The following NCOR2 variants were observed in gnomAD, a reference collection of about 807,000 sequenced individuals.
The protein encoded by NCOR2 is nuclear receptor corepressor 2.
Under a neutral mutation model 262.9 loss-of-function variants are expected in NCOR2, and 81 were observed. The observed-to-expected ratio is 0.31, with a 90% CI of 0.26 to 0.37. The LOEUF is 0.37. NCOR2 is among the 10% of genes least tolerant of loss of function. The pLI, the probability that NCOR2 is intolerant of heterozygous loss-of-function variation, is 1.00. For missense variants in NCOR2, 3,385 were observed against 3,621.4 expected (o/e 0.93, Z 1.68); for synonymous variants, 1,659 against 1,559.3 (o/e 1.06, Z -1.51).
chr12:124,393,426 T>C (rs1313223195), intron 16 of NCOR2, among the ~76,000 whole-genome samples: 4 of 152,148 alleles, frequency 2.6e-5, no homozygotes, highest in Non-Finnish European at 5.9e-5. Context: ...ATGGCCATCA[T>C]GTCCCCAGCC....
chr12:124,383,126 G>C (rs1403117355), intron 17 of NCOR2, among the ~76,000 whole-genome samples: 1 of 152,194 alleles, frequency 6.6e-6, no homozygotes, highest in African/African-American at 2.4e-5. Flanking sequence ...GGGCATACTA[G>C]GCCGCATTCC....
upstream of NCOR2, chr12:124,495,317 G>C: frequency 6.5e-7 from 1 of 1,529,306 alleles, no homozygotes; most frequent in Non-Finnish European, 8.8e-7. The surrounding 1 kb of genome is among the most constrained non-coding windows in gnomAD (Gnocchi z 4.4). Flanking sequence ...CACCACCAAG[G>C]ATTAAAAGCC....
chr12:124,536,900 C>T (rs919337182), upstream of NCOR2, among the ~76,000 whole-genome samples: 10 of 152,164 alleles, frequency 6.6e-5, no homozygotes, highest in East Asian at 1.9e-4. Context: ...AACAACCCAA[C>T]GGTCCATCGA....
intron 5 of NCOR2, among the ~76,000 whole-genome samples, chr12:124,462,693 A>G (rs764216756): frequency 3.3e-5 from 5 of 152,186 alleles, no homozygotes; most frequent in Non-Finnish European, 7.3e-5. Flanking sequence ...AAAATCTTCA[A>G]TCAGGGGATC....
At chr12:124,401,035 T>C (rs1333916119) in intron 14 of NCOR2, among the ~76,000 whole-genome samples, 3 of 152,032 alleles carry the variant, frequency 2.0e-5, no homozygotes, top group Non-Finnish European at 2.9e-5. Context: ...CAAGACTCCA[T>C]CTCTACAAAA....
At chr12:124,360,976 G>A (rs538911690) in intron 22 of NCOR2, among the ~76,000 whole-genome samples, 7 of 152,152 alleles carry the variant, frequency 4.6e-5, no homozygotes, top group East Asian at 1.9e-4. Flanking sequence ...CCTAATCCCC[G>A]CTCTGCCAGC....
chr12:124,554,166 G>A (rs552867515), intron 1 of NCOR2, among the ~76,000 whole-genome samples: 10 of 152,234 alleles, frequency 6.6e-5, no homozygotes, highest in Non-Finnish European at 1.2e-4. Flanking sequence ...ACGACAAAAC[G>A]CCTTCCTTGC....
rs2045415258 is a variant in NCOR2, at chr12:124,449,928, C to T, written c.763-61G>A. On this transcript the variant is annotated intron_variant, in intron 6 of 46. Transcript: ENST00000405201. Reference sequence around the variant, plus strand: ...GCTGGCCACTCGCCACTACAGAGCCCACCGGTAGGAGCCACAGCCCTGGCA... The same window carrying T: ...GCTGGCCACTCGCCACTACAGAGCCTACCGGTAGGAGCCACAGCCCTGGCA... 3 of 1,556,392 alleles carry T rather than the reference C, an allele frequency of 1.9e-6. No individual in the cohort carries two copies. The East Asian group carries it at 6.8e-5, about 35-fold the overall frequency.
intron 37 of NCOR2, 95 bp downstream of exon 39, chr12:124,339,911 C>CA: frequency 9.2e-7 from 1 of 1,090,172 alleles, no homozygotes; most frequent in Non-Finnish European, 1.3e-6. Context: ...ACCCACCTCC[C>CA]ATATACCTCC....
At chr12:124,344,597 C>T in exon 32 of NCOR2, 1 of 1,449,610 alleles carries the variant, frequency 6.9e-7, no homozygotes, top group Non-Finnish European at 9.1e-7. Flanking sequence ...CCCCACTCAC[C>T]CTCCTGCAGG....
Position 124,483,216 on chromosome 12 carries a change from C to T in NCOR2, c.411+380G>A, listed in dbSNP as rs1344909163. On this transcript the variant is annotated intron_variant, in intron 3 of 46. Transcript: ENST00000405201. This position sits in a 1 kb window ranked among gnomAD's most constrained non-coding sequence, Gnocchi z 6.3. ...TCAGAATGTGCTGAAAGCTGCCCACCGACCACAGGACGGTCCTGACCCCCA... is the reference window on the plus strand; with the variant it reads ...TCAGAATGTGCTGAAAGCTGCCCACTGACCACAGGACGGTCCTGACCCCCA... Among the ~76,000 whole-genome samples the T allele has an allele frequency of 2.0e-5, 3 of 152,068 alleles. No homozygotes were observed. The highest frequency in any genetic ancestry group is 1.5e-5 in the Non-Finnish European group (1 of 67,992).
chr12:124,344,943 C>A (rs75700832), exon 32 of NCOR2: 2 of 1,545,680 alleles, frequency 1.3e-6, no homozygotes, highest in South Asian at 2.4e-5. Context: ...CGTACTTGAG[C>A]GGGGTGCCCT....
intron 1 of NCOR2, among the ~76,000 whole-genome samples, chr12:124,522,397 C>T (rs1321302510): frequency 4.6e-5 from 7 of 152,170 alleles, no homozygotes; most frequent in South Asian, 4.1e-4. Flanking sequence ...GTCACCAGGG[C>T]CACACACCCT....
At chr12:124,365,177 C>T (rs2038930839) in intron 20 of NCOR2, among the ~76,000 whole-genome samples, 2 of 152,190 alleles carry the variant, frequency 1.3e-5, no homozygotes, top group South Asian at 4.1e-4. Context: ...GACCACATGG[C>T]AGGCGTGAGG....
At chr12:124,445,384 C>T (rs1051810151) in intron 7 of NCOR2, among the ~76,000 whole-genome samples, 2 of 152,212 alleles carry the variant, frequency 1.3e-5, no homozygotes, top group Non-Finnish European at 2.9e-5. Context: ...CAGGGGACAC[C>T]AGCAGCGCCC....
intron 37 of NCOR2, chr12:124,337,448 C>T (rs1323052275): frequency 3.0e-6 from 2 of 655,896 alleles, no homozygotes; most frequent in African/African-American, 1.8e-5. Context: ...GTGAATACAG[C>T]GGTCATAAAA....
At chr12:124,464,486 C>T (rs992747604) in intron 5 of NCOR2, among the ~76,000 whole-genome samples, 11 of 152,268 alleles carry the variant, frequency 7.2e-5, no homozygotes, top group African/African-American at 2.4e-4. Flanking sequence ...TCTGCAATCT[C>T]AGGGAGGTCT....
rs142703829 is a variant in NCOR2, at chr12:124,378,640, C to A, written c.2020-256G>T. Among the ~76,000 whole-genome samples, 2 of 152,236 alleles carry A rather than the reference C, an allele frequency of 1.3e-5. No individual in the cohort carries two copies. The highest frequency in any genetic ancestry group is 4.8e-5 in the African/African-American group (2 of 41,458). ...GCCCCTCAGCCACCCTGACATCCTTCCTGAGCACGAGAGAACCTGCCTGAC... is the reference window on the plus strand; with the variant it reads ...GCCCCTCAGCCACCCTGACATCCTTACTGAGCACGAGAGAACCTGCCTGAC... On this transcript the variant is annotated intron_variant, in intron 17 of 46. Coordinates refer to ENST00000405201, the Ensembl canonical transcript of NCOR2. This position sits in a 1 kb window ranked among gnomAD's most constrained non-coding sequence, Gnocchi z 4.2.
At chr12:124,333,005 T>G (rs2035346209) in intron 42 of NCOR2, 125 bp downstream of exon 44, 1 of 1,324,866 alleles carries the variant, frequency 7.5e-7, no homozygotes, top group Non-Finnish European at 1.0e-6. Context: ...TTGGCAGGCT[T>G]GAGGTCACCC....
Sources: gnomAD v4.1 joint callset for allele counts (sites outside exome capture counted in the v4.1 genomes callset) on GRCh38, gnomAD v4.1.1 for gene constraint, Gnocchi (gnomAD v3.1) non-coding constraint, MANE v1.5 for transcripts, NCBI Gene and HGNC (gene_info 2026-07-23, HGNC 2026-07-21) for gene names.